FAM78B: variants seen among roughly 807,000 people sequenced by gnomAD.
The protein encoded by FAM78B is family with sequence similarity 78 member B.
A neutral mutation model predicts 20.0 loss-of-function variants in FAM78B; 10 were observed. The observed-to-expected ratio is 0.50, with a 90% CI of 0.31 to 0.85. FAM78B has a LOEUF of 0.85. Among genes scored for constraint, FAM78B ranks in the 40% least tolerant of loss-of-function variants. FAM78B has a pLI of 0.05. For synonymous variants in FAM78B, 135 were observed against 132.8 expected, an observed-to-expected ratio of 1.02 and a Z score of -0.12; for missense variants, 283 against 345.0, an observed-to-expected ratio of 0.82 and a Z score of 1.42.
intron 1 of FAM78B, among the ~76,000 whole-genome samples, chr1:166,155,330 T>C (rs930956400): frequency 6.6e-6 from 1 of 152,234 alleles, no homozygotes; most frequent in Non-Finnish European, 1.5e-5. Flanking sequence ...GCTCTGGCAC[T>C]ACTTAGCTGA....
At chr1:166,080,803 C>T (rs558269305) in intron 1 of FAM78B, among the ~76,000 whole-genome samples, 1 of 152,356 alleles carries the variant, frequency 6.6e-6, no homozygotes, top group South Asian at 2.1e-4. Context: ...CCAACCCCTC[C>T]ACAGGAGGAG....
intron 1 of FAM78B, among the ~76,000 whole-genome samples, chr1:166,159,469 G>C (rs751347942): frequency 7.2e-5 from 11 of 152,160 alleles, no homozygotes; most frequent in Non-Finnish European, 1.6e-4. Context: ...GAATTAGAAG[G>C]AAAGGGGATA....
chr1:166,072,533 A>C lies in FAM78B; in HGVS notation c.264-1770T>G, dbSNP rs573608182. Reference sequence around the variant, plus strand: ...TTTCTTACTGTACAAAAGGGAGTACATGTTCTTTGAGTGGGTCAGAGGTTG... The same window carrying C: ...TTTCTTACTGTACAAAAGGGAGTACCTGTTCTTTGAGTGGGTCAGAGGTTG... On this transcript the variant is annotated intron_variant, in intron 1 of 1. Coordinates refer to ENST00000354422, the MANE Select transcript of FAM78B (RefSeq NM_001017961.5). Among the ~76,000 whole-genome samples, 4 of 152,288 alleles carry C rather than the reference A, an allele frequency of 2.6e-5. No individual in the cohort carries two copies. The South Asian group carries it at 8.3e-4, about 32-fold the overall frequency.
chr1:166,081,550 G>A (rs930247214), intron 1 of FAM78B, among the ~76,000 whole-genome samples: 1 of 152,192 alleles, frequency 6.6e-6, no homozygotes, highest in African/African-American at 2.4e-5. Context: ...GGCCCAGGCT[G>A]TGTCCCTTAC....
chr1:166,158,905 T>C (rs932828150), intron 1 of FAM78B, among the ~76,000 whole-genome samples: 2 of 152,266 alleles, frequency 1.3e-5, no homozygotes, highest in Admixed American at 6.5e-5. Flanking sequence ...CTGTTATTTA[T>C]CTTCTCAAAG....
intron 1 of FAM78B, chr1:166,154,807 T>C: frequency 2.1e-6 from 1 of 480,516 alleles, no homozygotes; most frequent in Non-Finnish European, 4.3e-6. Flanking sequence ...GTTGTGGCAC[T>C]GCCCTTTTCT....
intron 1 of FAM78B, among the ~76,000 whole-genome samples, chr1:166,124,088 G>A (rs956078035): frequency 1.3e-5 from 2 of 152,144 alleles, no homozygotes; most frequent in East Asian, 1.9e-4. Context: ...GCCCCACCCC[G>A]AGGCTGCCAC....
rs569309632 is a variant in FAM78B, at chr1:166,094,523, T to C, written c.264-23760A>G. On this transcript the variant is annotated intron_variant, in intron 1 of 1. Coordinates refer to ENST00000354422, the MANE Select transcript of FAM78B (RefSeq NM_001017961.5). ...GTGGCCAGGCTGCACTGTGTGGTGA[T>C]GAGTCTGTAAATTTGTGCTGTTGTG... Among the ~76,000 whole-genome samples the C allele has an allele frequency of 3.9e-5, 6 of 152,342 alleles. 1 individual carries two copies. The highest frequency in any genetic ancestry group is 1.4e-4 in the African/African-American group (6 of 41,576).
At chr1:166,144,174 G>C (rs1301455829) in intron 1 of FAM78B, among the ~76,000 whole-genome samples, 1 of 152,176 alleles carries the variant, frequency 6.6e-6, no homozygotes, top group Non-Finnish European at 1.5e-5. Context: ...TTATTTAGGA[G>C]ATGAACGCCA....
At chr1:166,140,861 G>A (rs1279684443) in intron 1 of FAM78B, among the ~76,000 whole-genome samples, 1 of 152,182 alleles carries the variant, frequency 6.6e-6, no homozygotes, top group Admixed American at 6.5e-5. Flanking sequence ...TGGGGCATGG[G>A]GCAGCAGCAG....
chr1:166,089,703 G>A (rs749088379), intron 1 of FAM78B, among the ~76,000 whole-genome samples: 1 of 151,710 alleles, frequency 6.6e-6, no homozygotes, highest in Non-Finnish European at 1.5e-5. Flanking sequence ...AAGGAAATAA[G>A]AGAGAGCTCT....
At chr1:166,165,887 T>C (rs972999553) in intron 1 of FAM78B, 99 bp downstream of exon 1, 16 of 1,392,264 alleles carry the variant, frequency 1.1e-5, no homozygotes, top group Admixed American at 5.6e-5. Context: ...AGAAAGACGA[T>C]GGGGACAGCA....
chr1:166,083,858 C>T (rs961246178), intron 1 of FAM78B, among the ~76,000 whole-genome samples: 48 of 145,690 alleles, frequency 3.3e-4, no homozygotes, highest in Non-Finnish European at 4.3e-4. Flanking sequence ...CTATATCATG[C>T]CTGCGTGGCA....
chr1:166,116,436 C>A (rs1238859828), intron 1 of FAM78B, among the ~76,000 whole-genome samples: 19 of 152,160 alleles, frequency 1.2e-4, no homozygotes. Flanking sequence ...AACATTTCTC[C>A]GTAGTGATAG....
At chr1:166,163,208 A>G (rs1468629459) in intron 1 of FAM78B, among the ~76,000 whole-genome samples, 2 of 152,352 alleles carry the variant, frequency 1.3e-5, no homozygotes, top group South Asian at 2.1e-4. Flanking sequence ...TCAAGGCTGC[A>G]CTAGCAAGAT....
Position 166,094,417 on chromosome 1 carries a change from T to C in FAM78B, c.264-23654A>G, listed in dbSNP as rs552068297. Among the ~76,000 whole-genome samples, 3 of 152,258 alleles carry C rather than the reference T, an allele frequency of 2.0e-5. No homozygotes were observed. The East Asian group carries it at 5.8e-4, about 29-fold the overall frequency. On this transcript the variant is annotated intron_variant, in intron 1 of 1. Coordinates refer to ENST00000354422, the MANE Select transcript of FAM78B (RefSeq NM_001017961.5). ...CATGGCGGGGCTCTCCACTGTGAAG[T>C]GTGCATGCAATGCTGACACCTGCTC...
chr1:166,152,687 TATTTATTTATTG>T (rs1655728203), intron 1 of FAM78B, among the ~76,000 whole-genome samples: 1 of 149,686 alleles, frequency 6.7e-6, no homozygotes. Flanking sequence ...TTTATTTATT[TATTTATTTATTG>T]ATGGAATCTC....
intron 1 of FAM78B, among the ~76,000 whole-genome samples, chr1:166,148,526 G>T (rs1199786367): frequency 6.6e-6 from 1 of 152,214 alleles, no homozygotes; most frequent in African/African-American, 2.4e-5. Flanking sequence ...TGTTAAATGA[G>T]ATATCATTTG....
intron 1 of FAM78B, among the ~76,000 whole-genome samples, chr1:166,094,105 C>T (rs1031898060): frequency 1.3e-5 from 2 of 151,002 alleles, no homozygotes; most frequent in South Asian, 2.1e-4. Flanking sequence ...GGAAGCAGGA[C>T]GTTGGGATGC....
Sources: allele counts gnomAD v4.1 joint callset (sites outside exome capture counted in the v4.1 genomes callset), GRCh38; gene constraint gnomAD v4.1.1; transcripts MANE v1.5; gene names NCBI Gene and HGNC (gene_info 2026-07-23, HGNC 2026-07-21).